UPP1: variants seen among roughly 807,000 people sequenced by gnomAD.
UPP1 encodes the protein uridine phosphorylase 1.
In UPP1, 25 loss-of-function variants were observed where a neutral mutation model predicts 29.6. The observed-to-expected ratio is 0.85, with a 90% confidence interval of 0.62 to 1.18. The LOEUF is 1.18. Ranked by LOEUF, UPP1 falls within the 50% of genes most tolerant of loss-of-function variation. UPP1 has a pLI of 0.00. For synonymous variants in UPP1, 165 were observed against 159.8 expected, an observed-to-expected ratio of 1.03 and a Z score of -0.25; for missense variants, 368 against 410.4, an observed-to-expected ratio of 0.90 and a Z score of 0.89.
At position 48,103,287 on chromosome 7, in the gene UPP1, C is replaced by T; in HGVS notation, c.322-10C>T. The T allele has an allele frequency of 6.2e-7, 1 of 1,611,020 alleles. No individual in the cohort carries two copies. Among genetic ancestry groups the T allele is most frequent in the Non-Finnish European group, 8.5e-7 (1 of 1,177,158 alleles). ...CTTGGCTTAACATGGGTGTTTCTCC[C>T]TGGTTCCAGCATGGTATGGGCATTC... On this transcript the variant is annotated splice_polypyrimidine_tract_variant and intron_variant, in intron 5 of 8. Transcript: ENST00000395564.
intron 2 of UPP1, among the ~76,000 whole-genome samples, chr7:48,092,372 C>T (rs926472163): frequency 2.6e-5 from 4 of 152,232 alleles, no homozygotes; most frequent in African/African-American, 7.2e-5. Flanking sequence ...CCCTACGCCC[C>T]GGGATCCTCC....
At chr7:48,091,778 G>C (rs1431813632) in intron 2 of UPP1, among the ~76,000 whole-genome samples, 1 of 152,170 alleles carries the variant, frequency 6.6e-6, no homozygotes, top group Admixed American at 6.5e-5. Context: ...AGATTGCAAA[G>C]GGAAAGAGAG....
intron 1 of UPP1, among the ~76,000 whole-genome samples, chr7:48,089,825 G>C (rs1435096514): frequency 6.6e-6 from 1 of 152,212 alleles, no homozygotes; most frequent in Non-Finnish European, 1.5e-5. Flanking sequence ...GCTTCTCGCA[G>C]CCCAAACCCG....
At position 48,107,397 on chromosome 7, in the gene UPP1, C is replaced by T. The variant is rs116578494; in HGVS notation, c.683C>T (p.Thr228Met). The change falls in exon 8 of 9, where the codon ACG becomes ATG. Residue 228 changes from threonine to methionine, a missense_variant. Coordinates refer to ENST00000395564, the MANE Select transcript of UPP1 (RefSeq NM_003364.4). ...GRLDGALCSY[T>M]EKDKQAYLEA... ...CTGGATGGGGCTCTCTGCTCCTACA[C>T]GGAGAAGGACAAGCAGGCGTATCTG... 2,495 of 1,614,058 alleles carry T rather than the reference C, an allele frequency of 1.5e-3. 32 individuals are homozygous for T. The highest frequency in any genetic ancestry group is 8.4e-3 in the Middle Eastern group (51 of 6,058).
chr7:48,094,499 A>G (rs377672419), intron 2 of UPP1, among the ~76,000 whole-genome samples: 177 of 152,154 alleles, frequency 1.2e-3, no homozygotes, highest in Non-Finnish European at 2.3e-3. Flanking sequence ...TAAAGGGGAC[A>G]GGTTCTCTGG....
At chr7:48,107,560 TCCTGGAGCCCCTC>T in intron 8 of UPP1, 53 bp downstream of exon 8, 1 of 1,533,018 alleles carries the variant, frequency 6.5e-7, no homozygotes, top group Non-Finnish European at 8.8e-7. Context: ...ACTTCTGCTC[TCCTGGAGCCCCTC>T]GCTGGGGCCC....
chr7:48,106,507 C>A (rs1792747323), intron 6 of UPP1: 1 of 239,836 alleles, frequency 4.2e-6, no homozygotes, highest in Admixed American at 4.9e-5. Context: ...GATGGGGTCT[C>A]ACCATGTTGG....
At chr7:48,090,471 T>A (rs1791766796) in intron 2 of UPP1, 107 bp downstream of exon 2, 1 of 152,332 alleles carries the variant, frequency 6.6e-6, no homozygotes, top group Non-Finnish European at 1.5e-5. Context: ...TCTCTGCACT[T>A]CCCTCTCTGC....
At chr7:48,101,799 G>A (rs1792436677) in intron 4 of UPP1, 25 bp from the exon 5 acceptor site, 3 of 1,610,490 alleles carry the variant, frequency 1.9e-6, no homozygotes, top group Admixed American at 3.3e-5. Flanking sequence ...GTGCACTAAT[G>A]GGGGTCTCTC....
In UPP1 at chr7:48,099,666, A is replaced by G. The variant is rs1323274882; in HGVS notation, c.45-4A>G. The G allele has an allele frequency of 2.2e-5, 35 of 1,599,392 alleles. No individual in the cohort carries two copies. Among genetic ancestry groups the G allele is most frequent in the Non-Finnish European group, 2.8e-5 (33 of 1,167,116 alleles). On this transcript the variant is annotated splice_polypyrimidine_tract_variant and splice_region_variant and intron_variant, in intron 3 of 8. Transcript: ENST00000395564. ...AAGCCTTCCACTTTCTTGTTTTTTA[A>G]CAGTGATTGCCCCGTCAGACTTTTA... is the stretch of plus-strand genomic sequence containing the variant.
chr7:48,096,102 G>A (rs1323047423), intron 3 of UPP1, among the ~76,000 whole-genome samples: 1 of 152,186 alleles, frequency 6.6e-6, no homozygotes, highest in Non-Finnish European at 1.5e-5. Context: ...GGGGGTGGAG[G>A]GGAGTGGTAG....
chr7:48,107,838 C>T (rs1340070309), intron 8 of UPP1, among the ~76,000 whole-genome samples: 1 of 152,186 alleles, frequency 6.6e-6, no homozygotes, highest in Non-Finnish European at 1.5e-5. Context: ...GTTCATCTAC[C>T]CTCAAGGTAC....
intron 5 of UPP1, among the ~76,000 whole-genome samples, 197 bp downstream of exon 5, chr7:48,102,179 G>A (rs570657457): frequency 3.2e-4 from 48 of 152,288 alleles, no homozygotes; most frequent in African/African-American, 1.0e-3. Flanking sequence ...CTCCAGGGGC[G>A]ACTAAGTACA....
At chr7:48,105,415 A>C (rs974708297) in intron 6 of UPP1, 1 of 152,252 alleles carries the variant, frequency 6.6e-6, no homozygotes, top group East Asian at 1.9e-4. Flanking sequence ...GCAATCGGCC[A>C]TGTTTTTTAA....
intron 6 of UPP1, chr7:48,103,684 C>T (rs948918301): frequency 7.4e-5 from 88 of 1,190,182 alleles, no homozygotes; most frequent in Non-Finnish European, 9.5e-5. Flanking sequence ...CAATTTGTGC[C>T]TTCTTGTCTG....
intron 3 of UPP1, among the ~76,000 whole-genome samples, chr7:48,095,152 T>A (rs1457421620): frequency 6.6e-6 from 1 of 152,230 alleles, no homozygotes; most frequent in Non-Finnish European, 1.5e-5. Context: ...TGCTTATCAC[T>A]CAGCTCTGCC....
chr7:48,101,690 G>T, intron 4 of UPP1, 134 bp from the exon 5 acceptor site: 2 of 1,024,380 alleles, frequency 2.0e-6, no homozygotes, highest in Non-Finnish European at 2.8e-6. Context: ...GATTCAGCAG[G>T]TCCTGGTGAG....
chr7:48,101,794 C>G, intron 4 of UPP1, 30 bp from the exon 5 acceptor site: 1 of 1,609,042 alleles, frequency 6.2e-7, no homozygotes, highest in Non-Finnish European at 8.5e-7. Context: ...AGACAGTGCA[C>G]TAATGGGGGT....
chr7:48,098,041 G>T (rs1402713835), intron 3 of UPP1, among the ~76,000 whole-genome samples: 2 of 152,174 alleles, frequency 1.3e-5, no homozygotes, highest in African/African-American at 2.4e-5. Flanking sequence ...AGGCTGCTGT[G>T]CCTTCCTGAG....
Sources: gnomAD v4.1 joint callset for allele counts (sites outside exome capture counted in the v4.1 genomes callset) on GRCh38, gnomAD v4.1.1 for gene constraint, MANE v1.5 for transcripts, NCBI Gene and HGNC (gene_info 2026-07-23, HGNC 2026-07-21) for gene names.